GSE1: variants seen among roughly 807,000 people sequenced by gnomAD.
GSE1 encodes the protein genetic suppressor element 1.
GSE1 carries 32 observed loss-of-function variants against 112.6 expected under a neutral mutation model. The ratio of observed to expected loss-of-function variants is 0.28; its 90% confidence interval spans 0.21 to 0.38. GSE1 has a LOEUF of 0.38. Among genes scored for constraint, GSE1 ranks in the 10% least tolerant of loss-of-function variants. The pLI, the probability that GSE1 is intolerant of heterozygous loss-of-function variation, is 1.00. For synonymous variants in GSE1, 1,115 were observed against 735.6 expected (o/e 1.52, Z -8.35); for missense variants, 2,348 against 1,699.2 (o/e 1.38, Z -6.71).
intron 1 of GSE1, among the ~76,000 whole-genome samples, chr16:85,201,225 A>C (rs1001403551): frequency 2.6e-5 from 4 of 151,952 alleles, no homozygotes; most frequent in Non-Finnish European, 5.9e-5. Flanking sequence ...GGCAGGTGCC[A>C]CCACACCCAG....
chr16:85,517,617 C>G (rs2051996636), intron 2 of GSE1, among the ~76,000 whole-genome samples: 1 of 152,146 alleles, frequency 6.6e-6, no homozygotes, highest in Admixed American at 6.5e-5. Context: ...CCCCGCCTGC[C>G]TAAGCTCAGC....
intron 1 of GSE1, among the ~76,000 whole-genome samples, chr16:85,582,443 T>C (rs552514738): frequency 6.6e-6 from 1 of 152,248 alleles, no homozygotes; most frequent in South Asian, 2.1e-4. Context: ...TCTTGGGGCC[T>C]TTTTGGGGAC....
chr16:85,219,095 G>T (rs559080685), intron 1 of GSE1, among the ~76,000 whole-genome samples: 1 of 152,124 alleles, frequency 6.6e-6, no homozygotes, highest in African/African-American at 2.4e-5. Context: ...TAGCCAGGAT[G>T]GTCTTGATCT....
At chr16:85,641,576 T>G (rs1373010432) in intron 2 of GSE1, among the ~76,000 whole-genome samples, 1 of 152,274 alleles carries the variant, frequency 6.6e-6, no homozygotes, top group Non-Finnish European at 1.5e-5. Flanking sequence ...CGGCGTGACT[T>G]CAGCCTTGCG....
At chr16:85,400,187 C>T (rs1159696048) in intron 2 of GSE1, among the ~76,000 whole-genome samples, 1 of 152,210 alleles carries the variant, frequency 6.6e-6, no homozygotes, top group African/African-American at 2.4e-5. Flanking sequence ...GCCCCACAGG[C>T]CCTCCCCTCC....
rs1433155890 is a variant in GSE1 at position 85,188,816 on chromosome 16, AAAAAC to A, written c.2283+17019_2283+17023del. ...ACCTTATCTCTATCTTAAAAAAAAAAAAAACAAAACAAAAAAACACAGGAGTTTAC... is the reference window on the plus strand; with the variant it reads ...ACCTTATCTCTATCTTAAAAAAAAAAAAAACAAAAAAACACAGGAGTTTAC... On this transcript the variant is annotated intron_variant, in intron 1 of 2. Transcript: ENST00000637419. Among the ~76,000 whole-genome samples, 490 of 150,742 alleles carry A rather than the reference AAAAAC, an allele frequency of 3.3e-3. 5 individuals are homozygous for A. Among genetic ancestry groups the A allele is most frequent in the Non-Finnish European group, 4.8e-3 (321 of 67,130 alleles).
intron 2 of GSE1, among the ~76,000 whole-genome samples, chr16:85,435,571 T>C (rs1257534606): frequency 6.6e-6 from 1 of 150,922 alleles, no homozygotes; most frequent in Non-Finnish European, 1.5e-5. Flanking sequence ...AGGGGAGGGG[T>C]CTGTTGCTTT....
At chr16:85,442,569 C>T (rs540439766) in intron 2 of GSE1, among the ~76,000 whole-genome samples, 74 of 152,294 alleles carry the variant, frequency 4.9e-4, no homozygotes, top group African/African-American at 1.7e-3. Flanking sequence ...CATCTAGGAT[C>T]TGGCCAAGTG....
At chr16:85,204,071 A>G (rs1222381658) in intron 1 of GSE1, among the ~76,000 whole-genome samples, 1 of 152,074 alleles carries the variant, frequency 6.6e-6, no homozygotes, top group African/African-American at 2.4e-5. Context: ...TGCCTGGCCA[A>G]TTTCCCAAAA....
intron 2 of GSE1, among the ~76,000 whole-genome samples, chr16:85,511,098 G>C (rs548933045): frequency 6.6e-6 from 1 of 152,218 alleles, no homozygotes; most frequent in Non-Finnish European, 1.5e-5. Context: ...ACAGTGCCTG[G>C]CACTCAGTGA....
At chr16:85,600,287 C>G (rs1207629489) in intron 1 of GSE1, among the ~76,000 whole-genome samples, 1 of 152,162 alleles carries the variant, frequency 6.6e-6, no homozygotes. Context: ...AACTCCTGAG[C>G]CGGGCTGTGA....
intron 1 of GSE1, among the ~76,000 whole-genome samples, chr16:85,305,549 C>T (rs1387249686): frequency 1.3e-5 from 2 of 152,090 alleles, no homozygotes; most frequent in Non-Finnish European, 2.9e-5. Context: ...GGTGCAGTCT[C>T]AGCTCACTGC....
At position 85,457,391 on chromosome 16, in the gene GSE1, G is replaced by T. The variant is rs924557527; in HGVS notation, c.2464+99748G>T. On this transcript the variant is annotated intron_variant, in intron 2 of 2. Transcript: ENST00000637419. ...AGCCTGGCCATGAGTCCCAGCATTTGCCCACTGCAGGGGAGAGGCTGTCTC... is the reference window on the plus strand; with the variant it reads ...AGCCTGGCCATGAGTCCCAGCATTTTCCCACTGCAGGGGAGAGGCTGTCTC... 5.3e-5 allele frequency among the ~76,000 whole-genome samples: 8 copies of T among 152,232 alleles called. 1 individual carries two copies. The highest frequency in any genetic ancestry group is 1.0e-4 in the Non-Finnish European group (7 of 68,036).
intron 1 of GSE1, among the ~76,000 whole-genome samples, chr16:85,581,011 G>T (rs912380490): frequency 6.6e-6 from 1 of 152,270 alleles, no homozygotes; most frequent in Non-Finnish European, 1.5e-5. Context: ...CCCTGGAGGT[G>T]ACATCCAGGC....
At chr16:85,275,129 T>G (rs902335461) in intron 1 of GSE1, among the ~76,000 whole-genome samples, 1 of 152,182 alleles carries the variant, frequency 6.6e-6, no homozygotes, top group African/African-American at 2.4e-5. Flanking sequence ...GACACAGACC[T>G]GGGCCTGTGC....
intron 2 of GSE1, among the ~76,000 whole-genome samples, chr16:85,383,951 C>A (rs2047625938): frequency 6.6e-6 from 1 of 152,202 alleles, no homozygotes; most frequent in African/African-American, 2.4e-5. Context: ...CCTTGGCCAT[C>A]CTCACAGGGG....
At position 85,673,478 on chromosome 16, in the gene GSE1, C is replaced by CA. The variant is rs3060243; in HGVS notation, c.*955dup. The CA allele has an allele frequency of 0.082, 8,812 of 107,712 alleles. 269 individuals carry two copies. Among genetic ancestry groups the CA allele is most frequent in the South Asian group, 0.11 (373 of 3,358 alleles). The allele number at this position is 107,712 out of a possible 1,614,324, so 6.7% of individuals were successfully genotyped here. On this transcript the variant is annotated 3_prime_UTR_variant, in exon 16 of 16. Transcript: ENST00000253458. The stretch of plus-strand genomic sequence containing the variant: ...GTTTGTTGTTTTGGTTTTTTTTGGG[C>CA]AAAAAAAAAAAAAAAACCTTGCTTT...
chr16:85,536,831 A>C (rs1888379296), intron 2 of GSE1, among the ~76,000 whole-genome samples: 1 of 152,194 alleles, frequency 6.6e-6, no homozygotes, highest in African/African-American at 2.4e-5. Flanking sequence ...AGGCAAAGGG[A>C]TGGGGCTGCT....
intron 2 of GSE1, among the ~76,000 whole-genome samples, chr16:85,439,047 A>G (rs2049315420): frequency 6.6e-6 from 1 of 152,216 alleles, no homozygotes; most frequent in Non-Finnish European, 1.5e-5. Flanking sequence ...CACAAAGCCC[A>G]GGGGAACATG....
Sources: gnomAD v4.1 joint callset for allele counts (sites outside exome capture counted in the v4.1 genomes callset) on GRCh38, gnomAD v4.1.1 for gene constraint, MANE v1.5 for transcripts, NCBI Gene and HGNC (gene_info 2026-07-23, HGNC 2026-07-21) for gene names.